DCAF8L2: variants seen among roughly 807,000 people sequenced by gnomAD.
The protein encoded by DCAF8L2 is DDB1 and CUL4 associated factor 8 like 2, also known as DDB1- and CUL4-associated factor 8-like protein 2.
For missense variants in DCAF8L2, 430 were observed against 490.7 expected (o/e 0.88, Z 1.17); for synonymous variants, 200 against 190.9 (o/e 1.05, Z -0.39).
chrX:27,547,597 A>G, the DCAF8L2 span, among the ~76,000 whole-genome samples: 1 of 107,221 alleles, frequency 9.3e-6, no homozygotes, highest in South Asian at 4.0e-4. Context: ...GAGAGAGAGA[A>G]CATGTGAGAG....
chrX:27,595,090 C>G (rs750768123), intron 1 of DCAF8L2, among the ~76,000 whole-genome samples: 1 of 110,780 alleles, frequency 9.0e-6, no homozygotes, highest in South Asian at 3.8e-4. Flanking sequence ...TCCTCCTATT[C>G]TTGATTCCAA....
the DCAF8L2 span, among the ~76,000 whole-genome samples, chrX:27,551,623 G>T: frequency 1.1e-4 from 12 of 111,266 alleles, no homozygotes; most frequent in Admixed American, 3.8e-4. Context: ...TTAACATTAT[G>T]TTCTCTAAAG....
intron 1 of DCAF8L2, among the ~76,000 whole-genome samples, chrX:27,609,117 T>C (rs1290099675): frequency 8.9e-6 from 1 of 111,921 alleles, no homozygotes; most frequent in Non-Finnish European, 1.9e-5. Flanking sequence ...AAGCCTCCCA[T>C]CCATTATCTT....
chrX:27,715,816 C>T (rs1374065849), intron 3 of DCAF8L2, among the ~76,000 whole-genome samples: 1 of 111,911 alleles, frequency 8.9e-6, no homozygotes, highest in Non-Finnish European at 1.9e-5. Context: ...ACTACAAGTA[C>T]ATAAGACTTT....
the DCAF8L2 span, among the ~76,000 whole-genome samples, chrX:27,513,273 G>A: frequency 1.8e-5 from 2 of 112,182 alleles, no homozygotes; most frequent in East Asian, 5.6e-4. Flanking sequence ...AGCATCTTCA[G>A]AGCAATGGAA....
At chrX:27,520,128 A>G in the DCAF8L2 span, among the ~76,000 whole-genome samples, 1 of 112,071 alleles carries the variant, frequency 8.9e-6, no homozygotes, top group Non-Finnish European at 1.9e-5. Context: ...CAAATTGACC[A>G]TTATTTTGTC....
At position 27,685,020 on chromosome X, in the gene DCAF8L2, A is replaced by G. The variant is rs1261101754; in HGVS notation, c.-143+7108A>G. On this transcript the variant is annotated intron_variant, in intron 3 of 4. Transcript: ENST00000451261. ...GACCCTTTTGGTCAATATTCCTGGG[A>G]ATCACTGTAACCAATCAGTTTAAGA... 2.7e-5 allele frequency among the ~76,000 whole-genome samples: 3 copies of G among 111,491 alleles called. No individual in the cohort carries two copies. In the East Asian group the frequency reaches 8.5e-4, roughly 31 times the overall value.
chrX:27,535,015 C>G, the DCAF8L2 span, among the ~76,000 whole-genome samples: 2 of 112,090 alleles, frequency 1.8e-5, no homozygotes, highest in South Asian at 7.4e-4. Context: ...ACAGCAGCAT[C>G]CTAAGTTGTA....
the DCAF8L2 span, among the ~76,000 whole-genome samples, chrX:27,495,789 A>C: frequency 8.9e-6 from 1 of 111,865 alleles, no homozygotes; most frequent in African/African-American, 3.2e-5. Context: ...TTATTTCTAT[A>C]ATTTTCTTCC....
At chrX:27,505,913 A>G in the DCAF8L2 span, among the ~76,000 whole-genome samples, 3 of 112,104 alleles carry the variant, frequency 2.7e-5, no homozygotes, top group Non-Finnish European at 5.6e-5. Context: ...TTTGTCACAC[A>G]GCAATAAGTA....
rs749765854 is a variant in DCAF8L2 at position 27,691,092 on chromosome X, G to A, written c.-143+13180G>A. On this transcript the variant is annotated intron_variant, in intron 3 of 4. Coordinates refer to ENST00000451261, the MANE Select transcript of DCAF8L2 (RefSeq NM_001353450.2). ...TTCTTTAGATATATGCACATTTATC[G>A]TTCTATCAGAATGACATTTAATATA... Among the ~76,000 whole-genome samples the A allele has an allele frequency of 2.7e-5, 3 of 111,405 alleles. No homozygotes were observed. In the East Asian group the frequency reaches 8.5e-4, roughly 31 times the overall value.
rs185479099 is a variant in DCAF8L2, at chrX:27,601,302, A to T, written c.-342+10862A>T. On this transcript the variant is annotated intron_variant, in intron 1 of 4. Transcript: ENST00000451261. ...ACTCATATAGGCCAGTAATCTTTGA[A>T]AAAAGGGAAATATTATGTGAACCAC... is the stretch of plus-strand genomic sequence containing the variant. 1.1e-4 allele frequency among the ~76,000 whole-genome samples: 12 copies of T among 112,450 alleles called. No homozygotes were observed. The East Asian group carries it at 3.1e-3, about 29-fold the overall frequency.
At chrX:27,549,370 A>T in the DCAF8L2 span, among the ~76,000 whole-genome samples, 25 of 108,590 alleles carry the variant, frequency 2.3e-4, no homozygotes, top group East Asian at 7.1e-3. Context: ...TATTTAACTA[A>T]CTGCCATTCA....
the DCAF8L2 span, among the ~76,000 whole-genome samples, chrX:27,548,000 A>G: frequency 9.2e-6 from 1 of 108,237 alleles, no homozygotes; most frequent in African/African-American, 3.4e-5. Context: ...TGCCTCCTGT[A>G]CAGCCTGTGG....
chrX:27,519,271 C>G, the DCAF8L2 span: 4 of 993,159 alleles, frequency 4.0e-6, no homozygotes, highest in East Asian at 1.2e-4. Flanking sequence ...TCAAAAAGCT[C>G]TAGAACTGGA....
chrX:27,533,238 A>AAGAAAGAAAG, the DCAF8L2 span, among the ~76,000 whole-genome samples: 8 of 84,378 alleles, frequency 9.5e-5, no homozygotes, highest in Non-Finnish European at 1.7e-4. Context: ...AAGAAAGAGA[A>AAGAAAGAAAG]AGAAAGAAAG....
At chrX:27,667,807 A>G (rs996272368) in intron 2 of DCAF8L2, among the ~76,000 whole-genome samples, 4 of 112,370 alleles carry the variant, frequency 3.6e-5, no homozygotes, top group African/African-American at 1.3e-4. Context: ...TTCTTGAATA[A>G]TCATTACCAT....
intron 4 of DCAF8L2, among the ~76,000 whole-genome samples, chrX:27,742,136 C>A (rs1295992798): frequency 1.8e-5 from 2 of 111,921 alleles, no homozygotes; most frequent in African/African-American, 3.3e-5. Context: ...ACAGAACTTG[C>A]CACCTTTTTT....
chrX:27,667,561 A>G (rs1390721619), intron 2 of DCAF8L2, among the ~76,000 whole-genome samples: 1 of 111,628 alleles, frequency 9.0e-6, no homozygotes, highest in Non-Finnish European at 1.9e-5. Context: ...GAGAACAAAG[A>G]CAAACTAGAA....
Sources: allele counts gnomAD v4.1 joint callset (sites outside exome capture counted in the v4.1 genomes callset), GRCh38; gene constraint gnomAD v4.1.1; transcripts MANE v1.5; gene names NCBI Gene and HGNC (gene_info 2026-07-23, HGNC 2026-07-21).